The following LDLRAD3 variants were observed in gnomAD, a reference collection of about 807,000 sequenced individuals.
LDLRAD3 encodes low density lipoprotein receptor class A domain containing 3.
LDLRAD3 carries 20 observed loss-of-function variants against 29.4 expected under a neutral mutation model. The observed-to-expected ratio is 0.68, with a 90% CI of 0.48 to 0.99. The LOEUF is 0.99. Ranked by LOEUF, LDLRAD3 falls within the 50% of genes least tolerant of loss-of-function variation. LDLRAD3 has a pLI of 0.00. For missense variants in LDLRAD3, 420 were observed against 454.3 expected (o/e 0.92, Z 0.69); for synonymous variants, 157 against 192.7 (o/e 0.81, Z 1.53).
chr11:36,033,745 T>C (rs979022689), intron 1 of LDLRAD3, among the ~76,000 whole-genome samples: 2 of 152,162 alleles, frequency 1.3e-5, no homozygotes, highest in Admixed American at 1.3e-4. Context: ...CTGGCTGCCC[T>C]TCTAGGGTCC....
intron 2 of LDLRAD3, among the ~76,000 whole-genome samples, chr11:36,037,677 A>G (rs899635015): frequency 6.6e-6 from 1 of 152,108 alleles, no homozygotes; most frequent in Admixed American, 6.6e-5. Flanking sequence ...ACGCATGGGA[A>G]CGGGCACTGG....
At chr11:36,047,739 G>A (rs1023958323) in intron 2 of LDLRAD3, among the ~76,000 whole-genome samples, 3 of 152,126 alleles carry the variant, frequency 2.0e-5, no homozygotes, top group Admixed American at 6.5e-5. Context: ...TGCAACCTAC[G>A]CAAGGTACTT....
chr11:36,008,213 A>G (rs1413932197), intron 1 of LDLRAD3, among the ~76,000 whole-genome samples: 1 of 152,208 alleles, frequency 6.6e-6, no homozygotes, highest in Non-Finnish European at 1.5e-5. Context: ...GACGCAAACC[A>G]GGCAGAATGG....
At chr11:36,124,429 A>T (rs747043818) in intron 4 of LDLRAD3, among the ~76,000 whole-genome samples, 1 of 152,160 alleles carries the variant, frequency 6.6e-6, no homozygotes, top group Non-Finnish European at 1.5e-5. Flanking sequence ...CCTGTTTTAC[A>T]TATAAGGGTA....
chr11:36,093,512 AAT>A (rs1853314560), intron 3 of LDLRAD3, among the ~76,000 whole-genome samples: 1 of 152,024 alleles, frequency 6.6e-6, no homozygotes, highest in Non-Finnish European at 1.5e-5. Flanking sequence ...ATATTAACGT[AAT>A]ATAGTACAGT....
intron 4 of LDLRAD3, among the ~76,000 whole-genome samples, chr11:36,109,225 A>G (rs11033432): frequency 0.88 from 134,321 of 152,182 alleles, 60,192 homozygotes; most frequent in East Asian, 1. Context: ...AATCTTTGTC[A>G]TGGACGGGGG....
intron 3 of LDLRAD3, among the ~76,000 whole-genome samples, chr11:36,088,045 G>A (rs1446628548): frequency 6.6e-6 from 1 of 151,850 alleles, no homozygotes. Flanking sequence ...GGTAGAGATG[G>A]GGTTTTGCCA....
intron 1 of LDLRAD3, among the ~76,000 whole-genome samples, chr11:35,947,446 G>A (rs1040567675): frequency 2.0e-5 from 3 of 151,778 alleles, no homozygotes; most frequent in African/African-American, 4.8e-5. Context: ...GGAAGCGGAG[G>A]TTGCAATAAG....
At chr11:36,180,314 C>CA (rs908269513) in intron 4 of LDLRAD3, among the ~76,000 whole-genome samples, 1 of 46,608 alleles carries the variant, frequency 2.1e-5, no homozygotes. Context: ...TCTTAGAACA[C>CA]CTTTCTGTTG....
At chr11:36,025,894 C>G (rs1043248897) in intron 1 of LDLRAD3, among the ~76,000 whole-genome samples, 19 of 151,048 alleles carry the variant, frequency 1.3e-4, no homozygotes, top group African/African-American at 4.2e-4. Context: ...ATTCTCCTGC[C>G]CTATCCTCCT....
At chr11:36,145,393 C>A (rs1175574944) in intron 4 of LDLRAD3, among the ~76,000 whole-genome samples, 1 of 101,798 alleles carries the variant, frequency 9.8e-6, no homozygotes, top group Non-Finnish European at 2.0e-5. Flanking sequence ...GGGGGGTCAG[C>A]CCCCCGCCCA....
chr11:35,968,298 A>C, intron 1 of LDLRAD3: 1 of 377,680 alleles, frequency 2.6e-6, no homozygotes, highest in Non-Finnish European at 5.1e-6. Context: ...GGATGTGAGC[A>C]TCAAATGCTT....
intron 1 of LDLRAD3, among the ~76,000 whole-genome samples, chr11:35,981,602 A>G (rs1368218490): frequency 6.6e-6 from 1 of 152,146 alleles, no homozygotes; most frequent in Non-Finnish European, 1.5e-5. Flanking sequence ...GTTCATTTAG[A>G]TGGTCCTGAT....
intron 1 of LDLRAD3, among the ~76,000 whole-genome samples, chr11:35,985,511 G>A (rs1851603761): frequency 6.6e-6 from 1 of 152,120 alleles, no homozygotes; most frequent in Admixed American, 6.5e-5. Context: ...CTTGGTCCCT[G>A]AGGGAGGCAA....
chr11:36,021,965 G>C (rs1447075261), intron 1 of LDLRAD3, among the ~76,000 whole-genome samples: 2 of 152,130 alleles, frequency 1.3e-5, no homozygotes, highest in Non-Finnish European at 2.9e-5. Context: ...CGTATTTAAA[G>C]GTTAATCATG....
intron 4 of LDLRAD3, among the ~76,000 whole-genome samples, chr11:36,162,418 G>T (rs1449327106): frequency 6.6e-6 from 1 of 152,122 alleles, no homozygotes; most frequent in Non-Finnish European, 1.5e-5. Flanking sequence ...ACATGTCTTG[G>T]CACACCACCC....
chr11:36,091,616 C>A (rs1275763329), intron 3 of LDLRAD3, among the ~76,000 whole-genome samples: 10 of 152,060 alleles, frequency 6.6e-5, no homozygotes, highest in African/African-American at 2.4e-4. Flanking sequence ...GCCTATGGTT[C>A]AGTTTTTGAA....
At chr11:36,116,234 T>C (rs1173500840) in intron 4 of LDLRAD3, among the ~76,000 whole-genome samples, 2 of 152,206 alleles carry the variant, frequency 1.3e-5, no homozygotes, top group East Asian at 1.9e-4. Flanking sequence ...AAACACCAAA[T>C]TGAAGAACCA....
At chr11:36,098,245 C>T (rs1853392207) in intron 3 of LDLRAD3, 82 bp from the exon 4 acceptor site, 2 of 1,532,618 alleles carry the variant, frequency 1.3e-6, no homozygotes, top group South Asian at 1.2e-5. Context: ...GAGCGGGACA[C>T]ACGCCAGGCT....
Sources: allele counts gnomAD v4.1 joint callset (sites outside exome capture counted in the v4.1 genomes callset), GRCh38; gene constraint gnomAD v4.1.1; transcripts MANE v1.5; gene names NCBI Gene and HGNC (gene_info 2026-07-23, HGNC 2026-07-21).